CUEDC1: variants seen among roughly 807,000 people sequenced by gnomAD.
CUEDC1 encodes CUE domain-containing protein 1.
Under a neutral mutation model 43.7 loss-of-function variants are expected in CUEDC1, and 30 were observed. The observed-to-expected ratio is 0.69, with a 90% CI of 0.51 to 0.93. The LOEUF (loss-of-function observed/expected upper bound fraction) is 0.93, where lower values mean the gene tolerates loss of function less well. Ranked by LOEUF, CUEDC1 falls within the 40% of genes least tolerant of loss-of-function variation. The probability of loss-of-function intolerance (pLI) is 0.00; values close to 1 mark genes in which losing one functional copy is unlikely to be tolerated. For synonymous variants in CUEDC1, 223 were observed against 223.6 expected, an observed-to-expected ratio of 1.00 and a Z score of 0.02; for missense variants, 486 against 549.0, an observed-to-expected ratio of 0.89 and a Z score of 1.15.
chr17:57,890,246 A>G (rs772200622), intron 1 of CUEDC1, among the ~76,000 whole-genome samples: 2 of 152,210 alleles, frequency 1.3e-5, no homozygotes, highest in Non-Finnish European at 2.9e-5. Flanking sequence ...TAAGAAATTC[A>G]GCCATGTGTG....
intron 1 of CUEDC1, among the ~76,000 whole-genome samples, chr17:57,908,025 G>A (rs2074546352): frequency 6.6e-6 from 1 of 151,940 alleles, no homozygotes. Context: ...ACTGGACCTC[G>A]TTCACACACG....
At chr17:57,951,158 G>T (rs1375950011) in intron 1 of CUEDC1, among the ~76,000 whole-genome samples, 2 of 134,606 alleles carry the variant, frequency 1.5e-5, no homozygotes, top group South Asian at 2.4e-4. Context: ...TTTTACCAAA[G>T]ATTTTCCTTA....
intron 1 of CUEDC1, among the ~76,000 whole-genome samples, chr17:57,937,788 C>T (rs1361505615): frequency 1.3e-5 from 2 of 151,770 alleles, no homozygotes; most frequent in African/African-American, 4.8e-5. Context: ...TGCCTGTAGT[C>T]CCAGCTACTC....
At chr17:57,895,391 G>C (rs146591247) in intron 1 of CUEDC1, among the ~76,000 whole-genome samples, 3 of 152,200 alleles carry the variant, frequency 2.0e-5, no homozygotes, top group Non-Finnish European at 2.9e-5. Context: ...TAAAGGACAG[G>C]GTTGCCCCTG....
intron 1 of CUEDC1, among the ~76,000 whole-genome samples, chr17:57,938,724 G>A (rs932622366): frequency 1.6e-4 from 24 of 151,686 alleles, no homozygotes; most frequent in Non-Finnish European, 2.9e-4. Flanking sequence ...GTGCAGTGGC[G>A]CTATCTCAGC....
chr17:57,881,889 G>A (rs946362705), intron 2 of CUEDC1, among the ~76,000 whole-genome samples: 15 of 152,170 alleles, frequency 9.9e-5, no homozygotes, highest in African/African-American at 1.2e-4. Context: ...ACAGGCGGCC[G>A]GCCAGGCAAG....
At position 57,885,733 on chromosome 17, in the gene CUEDC1, G is replaced by A; in HGVS notation, c.-169C>T. The A allele has an allele frequency of 8.7e-7, 1 of 1,142,864 alleles. No individual in the cohort carries two copies. Among genetic ancestry groups the A allele is most frequent in the Admixed American group, 4.3e-5 (1 of 23,170 alleles). 70.8% of individuals were successfully genotyped at this position (1,142,864 alleles called of 1,614,324 possible). A position where few individuals can be genotyped will look rare whatever the true frequency, so the allele number is the denominator to read the frequency against. ...ATGGGCTGCCAAGAGCTCCGGGTTA[G>A]GAGAGTACGGGCGCGGGGCCCCAGG... On this transcript the variant is annotated 5_prime_UTR_variant, in exon 2 of 11. Transcript: ENST00000577830.
chr17:57,942,334 C>A (rs2074923994), intron 1 of CUEDC1, among the ~76,000 whole-genome samples: 1 of 152,116 alleles, frequency 6.6e-6, no homozygotes, highest in Non-Finnish European at 1.5e-5. Context: ...CCACTCACAT[C>A]CCTGTAGGTC....
rs1598003091 is a variant in CUEDC1, at chr17:57,910,299, C to A, written c.-315-24420G>T. On this transcript the variant is annotated intron_variant, in intron 1 of 10. Transcript: ENST00000577830. ...GACCTCCCCTGCTCAGCCCATGGGG[C>A]CCCTGTGACAATAAAAAGAAAAAGT... is the stretch of plus-strand genomic sequence containing the variant. 3.3e-5 allele frequency among the ~76,000 whole-genome samples: 5 copies of A among 152,186 alleles called. No homozygotes were observed. The Middle Eastern group carries it at 0.01, about 311-fold the overall frequency.
intron 1 of CUEDC1, among the ~76,000 whole-genome samples, chr17:57,949,110 T>C (rs2074982403): frequency 1.3e-5 from 2 of 152,216 alleles, no homozygotes; most frequent in African/African-American, 4.8e-5. Flanking sequence ...TGTGCTCCCA[T>C]GCCAGATCAA....
intron 6 of CUEDC1, among the ~76,000 whole-genome samples, 154 bp downstream of exon 6, chr17:57,871,132 G>T (rs2074028729): frequency 6.6e-6 from 1 of 152,186 alleles, no homozygotes; most frequent in African/African-American, 2.4e-5. Context: ...GGAGATGGGG[G>T]CAGAAGCAGC....
Position 57,955,001 on chromosome 17 carries a change from G to A in CUEDC1, c.-316+224C>T, listed in dbSNP as rs2075043178. Among the ~76,000 whole-genome samples, 1 of 151,602 alleles carries A rather than the reference G, an allele frequency of 6.6e-6. No individual in the cohort carries two copies. The highest frequency in any genetic ancestry group is 2.4e-5 in the African/African-American group (1 of 41,394). On this transcript the variant is annotated intron_variant, in intron 1 of 10. Coordinates refer to ENST00000577830, the MANE Select transcript of CUEDC1 (RefSeq NM_001271875.2). This position sits in a 1 kb window ranked among gnomAD's most constrained non-coding sequence, Gnocchi z 5.3. The stretch of plus-strand genomic sequence containing the variant: ...CCGGGATGAGGTGGGGGCTCGGGAA[G>A]GAAGGGCGGGCGGGGACCTGCCGCA...
chr17:57,880,606 ACTTAGATT>A (rs1681596291), intron 2 of CUEDC1, among the ~76,000 whole-genome samples: 1 of 152,180 alleles, frequency 6.6e-6, no homozygotes, highest in African/African-American at 2.4e-5. Context: ...CCACTGACCG[ACTTAGATT>A]CTTCCCCAGA....
chr17:57,954,127 G>A lies in CUEDC1; in HGVS notation c.-316+1098C>T, dbSNP rs2075032879. On this transcript the variant is annotated intron_variant, in intron 1 of 10. Transcript: ENST00000577830. The surrounding 1 kb of genome is among the most constrained non-coding windows in gnomAD (Gnocchi z 4.3). ...ACAGCTGGCTATAAAGAAAAGGGGT[G>A]AAAGGCCCAGTACATCTCCCTGAGT... Among the ~76,000 whole-genome samples, 1 of 152,198 alleles carries A rather than the reference G, an allele frequency of 6.6e-6. No homozygotes were observed. Among genetic ancestry groups the A allele is most frequent in the Non-Finnish European group, 1.5e-5 (1 of 68,044 alleles).
At position 57,908,192 on chromosome 17, in the gene CUEDC1, G is replaced by T. The variant is rs1374718372; in HGVS notation, c.-315-22313C>A. 2.6e-5 allele frequency among the ~76,000 whole-genome samples: 4 copies of T among 152,138 alleles called. No individual in the cohort carries two copies. The South Asian group carries it at 6.2e-4, about 24-fold the overall frequency. ...CTGTCTCAGCCTCCTGAGCAGCTGGGACTACAGGTGCTCGCCACCACACCT... is the reference window on the plus strand; with the variant it reads ...CTGTCTCAGCCTCCTGAGCAGCTGGTACTACAGGTGCTCGCCACCACACCT... On this transcript the variant is annotated intron_variant, in intron 1 of 10. Transcript: ENST00000577830.
At chr17:57,933,281 CAAT>C (rs1360081704) in intron 1 of CUEDC1, among the ~76,000 whole-genome samples, 1 of 152,200 alleles carries the variant, frequency 6.6e-6, no homozygotes, top group African/African-American at 2.4e-5. Flanking sequence ...AAGTAAACAA[CAAT>C]GTCTGTAACT....
chr17:57,908,218 G>A (rs1466028417), intron 1 of CUEDC1, among the ~76,000 whole-genome samples: 1 of 152,102 alleles, frequency 6.6e-6, no homozygotes, highest in African/African-American at 2.4e-5. Context: ...CACCACACCT[G>A]ACAAATTTTT....
Position 57,954,679 on chromosome 17 carries a change from A to G in CUEDC1, c.-316+546T>C, listed in dbSNP as rs2075039166. 6.6e-6 allele frequency among the ~76,000 whole-genome samples: 1 copy of G among 152,060 alleles called. No individual in the cohort carries two copies. Among genetic ancestry groups the G allele is most frequent in the Admixed American group, 6.5e-5 (1 of 15,274 alleles). ...GACCGGGAGGGACCAAAAAAGGCTGAGCCGACCTGTGACATCGGCGGGGGG... is the reference window on the plus strand; with the variant it reads ...GACCGGGAGGGACCAAAAAAGGCTGGGCCGACCTGTGACATCGGCGGGGGG... On this transcript the variant is annotated intron_variant, in intron 1 of 10. Transcript: ENST00000577830. This position sits in a 1 kb window ranked among gnomAD's most constrained non-coding sequence, Gnocchi z 4.3.
In CUEDC1 at chr17:57,872,822, C is replaced by T; in HGVS notation, c.625G>A (p.Glu209Lys). The change falls in exon 5 of 11, where the codon GAG becomes AAG. Residue 209 changes from glutamate to lysine, a missense_variant. Coordinates refer to ENST00000577830, the MANE Select transcript of CUEDC1 (RefSeq NM_001271875.2). ...CCAGCCATGGCAGGTGGACATCCCT[C>T]TCCACTCCCAGGCTTGGGGCCCCCA... ...NAGGPKPGSGEGCPPAMAGPG... is the reference protein window; with the variant it reads ...NAGGPKPGSGKGCPPAMAGPG... The T allele has an allele frequency of 1.9e-6, 3 of 1,613,962 alleles. No homozygotes were observed. The highest frequency in any genetic ancestry group is 2.5e-6 in the Non-Finnish European group (3 of 1,179,938).
Sources: allele counts gnomAD v4.1 joint callset (sites outside exome capture counted in the v4.1 genomes callset), GRCh38; gene constraint gnomAD v4.1.1; non-coding constraint Gnocchi (gnomAD v3.1); transcripts MANE v1.5; gene names NCBI Gene and HGNC (gene_info 2026-07-23, HGNC 2026-07-21).